TANC1: variants seen among roughly 807,000 people sequenced by gnomAD.
TANC1 encodes the protein tetratricopeptide repeat, ankyrin repeat and coiled-coil containing 1, also known as protein TANC1.
Under a neutral mutation model 149.7 loss-of-function variants are expected in TANC1, and 77 were observed. The observed-to-expected ratio is 0.51, with a 90% confidence interval of 0.43 to 0.62. TANC1 has a LOEUF of 0.62. Ranked by LOEUF, TANC1 falls within the 20% of genes least tolerant of loss-of-function variation. TANC1 has a pLI of 0.00. For synonymous variants in TANC1, 854 were observed against 925.0 expected, an observed-to-expected ratio of 0.92 and a Z score of 1.39; for missense variants, 1,985 against 2,321.8, an observed-to-expected ratio of 0.85 and a Z score of 2.98.
At chr2:159,161,084 A>C (rs1318001069) in intron 7 of TANC1, among the ~76,000 whole-genome samples, 1 of 152,042 alleles carries the variant, frequency 6.6e-6, no homozygotes, top group African/African-American at 2.4e-5. Context: ...TGGCCTTCCC[A>C]GCCATCCTCA....
chr2:159,096,166 T>C (rs1294898579), intron 3 of TANC1, among the ~76,000 whole-genome samples: 2 of 152,180 alleles, frequency 1.3e-5, no homozygotes, highest in African/African-American at 4.8e-5. Flanking sequence ...AAGCAGGTAA[T>C]GATTTACATT....
At chr2:159,098,449 C>G (rs2046352576) in intron 4 of TANC1, among the ~76,000 whole-genome samples, 1 of 152,176 alleles carries the variant, frequency 6.6e-6, no homozygotes, top group African/African-American at 2.4e-5. Context: ...AGAATGTATC[C>G]TCATCATTAA....
intron 12 of TANC1, among the ~76,000 whole-genome samples, chr2:159,176,024 G>A (rs2055821304): frequency 6.6e-6 from 1 of 152,116 alleles, no homozygotes; most frequent in South Asian, 2.1e-4. Flanking sequence ...TTCCGGATTG[G>A]GCCTCTGTAT....
chr2:158,982,695 C>A (rs922926883), intron 1 of TANC1, among the ~76,000 whole-genome samples: 1 of 152,218 alleles, frequency 6.6e-6, no homozygotes, highest in African/African-American at 2.4e-5. Flanking sequence ...GCAGCTTCAA[C>A]CTCCTGGGCT....
At chr2:159,225,216 C>A in intron 23 of TANC1, 1 of 194,230 alleles carries the variant, frequency 5.1e-6, no homozygotes, top group Non-Finnish European at 1.0e-5. Flanking sequence ...ACTCCTCCCA[C>A]AGTGTCCCGA....
chr2:159,043,766 G>A (rs447106), intron 2 of TANC1, among the ~76,000 whole-genome samples: 105,674 of 152,040 alleles, frequency 0.7, 36,908 homozygotes, highest in Non-Finnish European at 0.74. Flanking sequence ...TTTTTAATAA[G>A]GTCAGACTGG....
At chr2:159,192,522 T>A (rs1467569411) in intron 16 of TANC1, among the ~76,000 whole-genome samples, 1 of 152,216 alleles carries the variant, frequency 6.6e-6, no homozygotes, top group African/African-American at 2.4e-5. Flanking sequence ...TTTCAAAGTG[T>A]GGTTCCCCAA....
chr2:159,205,436 AATG>A (rs2058536092), intron 19 of TANC1, among the ~76,000 whole-genome samples: 1 of 152,154 alleles, frequency 6.6e-6, no homozygotes, highest in Admixed American at 6.5e-5. Flanking sequence ...TCCCCCACAT[AATG>A]ATGTTTCTGT....
chr2:158,977,428 A>G (rs1210967734), intron 1 of TANC1, among the ~76,000 whole-genome samples: 1 of 152,016 alleles, frequency 6.6e-6, no homozygotes, highest in Non-Finnish European at 1.5e-5. Flanking sequence ...GTCCTGCCTC[A>G]GCCTCCTGAA....
chr2:159,185,881 G>C lies in TANC1; in HGVS notation c.2601G>C (p.Leu867=). The C allele has an allele frequency of 1.2e-6, 2 of 1,613,784 alleles. No individual in the cohort carries two copies. The highest frequency in any genetic ancestry group is 1.7e-6 in the Non-Finnish European group (2 of 1,179,668). Residue 867 remains leucine (L), a synonymous_variant, in exon 15 of 27, where the codon CTG becomes CTC. Coordinates refer to ENST00000263635, the MANE Select transcript of TANC1 (RefSeq NM_033394.3). ...QQTMELGHHI[L]KAHIFKGLSK... ...CCATGGAGCTTGGCCACCACATCCT[G>C]AAGGCGCACATTTTCAAGGTGAGAT... is the stretch of plus-strand genomic sequence containing the variant.
At chr2:159,136,002 TTGTGTGTGTGTG>T (rs754052800) in intron 4 of TANC1, among the ~76,000 whole-genome samples, 180 bp from the exon 5 acceptor site, 1,312 of 107,872 alleles carry the variant, frequency 0.012, 15 homozygotes, top group East Asian at 0.036. Context: ...TACTGAAATT[TTGTGTGTGTGTG>T]TGTGTGTGTG....
intron 3 of TANC1, among the ~76,000 whole-genome samples, chr2:159,081,092 C>T (rs377665067): frequency 3.3e-5 from 5 of 152,192 alleles, no homozygotes; most frequent in South Asian, 4.1e-4. Flanking sequence ...TAGTCCATAG[C>T]ATGGCCTTAT....
At chr2:159,128,699 G>A (rs2049756994) in intron 4 of TANC1, among the ~76,000 whole-genome samples, 2 of 152,112 alleles carry the variant, frequency 1.3e-5, no homozygotes, top group South Asian at 4.1e-4. Context: ...TTATCCCACA[G>A]GCTTGGGTAG....
chr2:159,136,185 C>T lies in TANC1; in HGVS notation c.260-9C>T. On this transcript the variant is annotated splice_polypyrimidine_tract_variant and intron_variant, in intron 4 of 26. Coordinates refer to ENST00000263635, the MANE Select transcript of TANC1 (RefSeq NM_033394.3). ...AAAATTAGCCACACTCAGATCTTTC[C>T]CACTACAGGTCCCGTCAGGAAGCCC... 3.2e-6 allele frequency: 5 copies of T among 1,547,552 alleles called. No homozygotes were observed. Among genetic ancestry groups the T allele is most frequent in the Non-Finnish European group, 4.5e-6 (5 of 1,119,092 alleles).
intron 16 of TANC1, 133 bp downstream of exon 16, chr2:159,187,157 C>A: frequency 9.5e-7 from 1 of 1,048,152 alleles, no homozygotes; most frequent in Non-Finnish European, 1.4e-6. Context: ...GATGTGCTTC[C>A]CTGATCACAC....
In TANC1 at chr2:159,003,889, AGGGGG is replaced by A. The variant is rs1014392368; in HGVS notation, c.-16+2701_-16+2705del. 35 of 1,612,850 alleles carry A rather than the reference AGGGGG, an allele frequency of 2.2e-5. No individual in the cohort carries two copies. In the African/African-American group the frequency reaches 4.7e-4, roughly 21 times the overall value. On this transcript the variant is annotated intron_variant, in intron 2 of 26. Transcript: ENST00000263635. The stretch of plus-strand genomic sequence containing the variant: ...CCAAACTTCAGGCTCAGGTCCAGAT[AGGGGG>A]CAAGGATACAGCTCGCAGAAAGAAG...
chr2:159,014,921 C>A lies in TANC1; in HGVS notation c.-16+13732C>A, dbSNP rs1316079554. Among the ~76,000 whole-genome samples the A allele has an allele frequency of 2.0e-5, 3 of 152,226 alleles. No homozygotes were observed. In the East Asian group the frequency reaches 5.8e-4, roughly 29 times the overall value. On this transcript the variant is annotated intron_variant, in intron 2 of 26. Transcript: ENST00000263635. ...CAGGGTACAGCCTCCTTCCTGGCTGCATTCACAGGCTGGCATGAGTGTCTG... is the reference window on the plus strand; with the variant it reads ...CAGGGTACAGCCTCCTTCCTGGCTGAATTCACAGGCTGGCATGAGTGTCTG...
In TANC1 at chr2:159,210,643, T is replaced by C. The variant is rs907055593; in HGVS notation, c.3245-6854T>C. The stretch of plus-strand genomic sequence containing the variant: ...GTGCAGTGGCGAGATCTCGGCTCAC[T>C]GCAAGCTCTGCCTCCTGGGTTCAAG... On this transcript the variant is annotated intron_variant, in intron 19 of 26. Transcript: ENST00000263635. Among the ~76,000 whole-genome samples the C allele has an allele frequency of 2.6e-5, 4 of 152,154 alleles. No homozygotes were observed. In the East Asian group the frequency reaches 7.7e-4, roughly 29 times the overall value.
chr2:159,021,224 A>G (rs575487681), intron 2 of TANC1, among the ~76,000 whole-genome samples: 46 of 152,220 alleles, frequency 3.0e-4, no homozygotes, highest in African/African-American at 1.1e-3. Context: ...TTTTTTTTTA[A>G]TGGGTAGTTT....
Sources: allele counts gnomAD v4.1 joint callset (sites outside exome capture counted in the v4.1 genomes callset), GRCh38; gene constraint gnomAD v4.1.1; transcripts MANE v1.5; gene names NCBI Gene and HGNC (gene_info 2026-07-23, HGNC 2026-07-21).